Variants in FAM13B observed in about 807,000 individuals in gnomAD.
The protein encoded by FAM13B is family with sequence similarity 13 member B.
A neutral mutation model predicts 117.3 loss-of-function variants in FAM13B; 60 were observed. The observed-to-expected ratio is 0.51, with a 90% CI of 0.42 to 0.63. FAM13B has a LOEUF of 0.63. Ranked by LOEUF, FAM13B falls within the 30% of genes least tolerant of loss-of-function variation. The probability of loss-of-function intolerance (pLI) is 0.00; values close to 1 mark genes in which losing one functional copy is unlikely to be tolerated. For missense variants in FAM13B, 972 were observed against 1,091.9 expected, an observed-to-expected ratio of 0.89 and a Z score of 1.55; for synonymous variants, 332 against 356.1, an observed-to-expected ratio of 0.93 and a Z score of 0.76.
chr5:138,041,463 C>T (rs1791498528), intron 1 of FAM13B, among the ~76,000 whole-genome samples: 1 of 151,782 alleles, frequency 6.6e-6, no homozygotes, highest in Non-Finnish European at 1.5e-5. Flanking sequence ...ATAATCAGTA[C>T]AAGAAATTAA....
chr5:138,013,454 T>C (rs1330153958), intron 4 of FAM13B, among the ~76,000 whole-genome samples: 9 of 151,138 alleles, frequency 6.0e-5, no homozygotes, highest in Admixed American at 4.0e-4. Flanking sequence ...TGAGCCGAGA[T>C]TGCACCACTG....
chr5:138,001,724 GA>G (rs1195154888), intron 7 of FAM13B, among the ~76,000 whole-genome samples: 1 of 152,176 alleles, frequency 6.6e-6, no homozygotes, highest in Non-Finnish European at 1.5e-5. Flanking sequence ...GGGAGATCAA[GA>G]ATGGAGGATG....
intron 1 of FAM13B, among the ~76,000 whole-genome samples, chr5:138,047,572 C>T (rs1791679970): frequency 6.6e-6 from 1 of 151,918 alleles, no homozygotes; most frequent in South Asian, 2.1e-4. Context: ...CGGCACATAA[C>T]AAATGGGAAT....
At chr5:137,972,814 C>T (rs1451627243) in intron 10 of FAM13B, among the ~76,000 whole-genome samples, 10 of 151,926 alleles carry the variant, frequency 6.6e-5, no homozygotes, top group Non-Finnish European at 1.3e-4. Flanking sequence ...TATACACCAA[C>T]AACAGACAAA....
At chr5:138,043,204 A>G (rs188453620) in intron 1 of FAM13B, among the ~76,000 whole-genome samples, 1 of 152,186 alleles carries the variant, frequency 6.6e-6, no homozygotes, top group East Asian at 1.9e-4. Context: ...TCTCTATAAA[A>G]AATAAAATTA....
At chr5:138,048,062 GAAAGAAAGAAA>G (rs1791693138) in intron 1 of FAM13B, among the ~76,000 whole-genome samples, 2 of 151,790 alleles carry the variant, frequency 1.3e-5, no homozygotes, top group Non-Finnish European at 2.9e-5. Flanking sequence ...TTTTAAAATA[GAAAGAAAGAAA>G]AAAGAAAGAA....
At chr5:138,051,550 T>C (rs1791800720) in intron 1 of FAM13B, among the ~76,000 whole-genome samples, 1 of 152,232 alleles carries the variant, frequency 6.6e-6, no homozygotes, top group African/African-American at 2.4e-5. Context: ...TTGAGTGTTA[T>C]GCTTCCTGGC....
At chr5:138,006,149 G>A (rs998006741) in intron 7 of FAM13B, among the ~76,000 whole-genome samples, 6 of 151,912 alleles carry the variant, frequency 3.9e-5, no homozygotes, top group Non-Finnish European at 7.4e-5. Flanking sequence ...TGCCCGTCTC[G>A]GCCTCCCAAA....
At chr5:137,944,155 C>T (rs1478182068) in intron 20 of FAM13B, among the ~76,000 whole-genome samples, 2 of 152,168 alleles carry the variant, frequency 1.3e-5, no homozygotes, top group Admixed American at 1.3e-4. Flanking sequence ...TCTCATTCAG[C>T]TTGTTTCCAA....
intron 1 of FAM13B, among the ~76,000 whole-genome samples, chr5:138,048,663 C>T (rs1264892016): frequency 1.3e-5 from 2 of 152,072 alleles, no homozygotes; most frequent in Admixed American, 1.3e-4. Flanking sequence ...GCATGCTGGC[C>T]GACCCCTAGG....
chr5:137,991,956 T>C (rs1251054969), intron 7 of FAM13B, among the ~76,000 whole-genome samples: 3 of 152,254 alleles, frequency 2.0e-5, no homozygotes, highest in South Asian at 4.1e-4. Flanking sequence ...GGGTCTCACT[T>C]TGTCACCCAG....
At chr5:137,977,124 T>C (rs978082081) in intron 10 of FAM13B, among the ~76,000 whole-genome samples, 1 of 152,188 alleles carries the variant, frequency 6.6e-6, no homozygotes, top group Non-Finnish European at 1.5e-5. Flanking sequence ...GGCCATCTTC[T>C]ATGGTCAAGA....
intron 2 of FAM13B, among the ~76,000 whole-genome samples, chr5:138,020,597 T>C (rs1355397358): frequency 2.0e-5 from 3 of 152,090 alleles, no homozygotes; most frequent in Non-Finnish European, 4.4e-5. Flanking sequence ...GAAAAGAGTA[T>C]TTGTAAAAGA....
intron 6 of FAM13B, among the ~76,000 whole-genome samples, chr5:138,008,959 A>G (rs2150867192): frequency 6.6e-6 from 1 of 152,342 alleles, no homozygotes; most frequent in South Asian, 2.1e-4. Flanking sequence ...CCTGGCCAAC[A>G]TGGCAAAATC....
At chr5:138,020,210 G>C (rs535815011) in intron 2 of FAM13B, among the ~76,000 whole-genome samples, 1 of 151,780 alleles carries the variant, frequency 6.6e-6, no homozygotes, top group African/African-American at 2.4e-5. Flanking sequence ...ACAGGTGTGC[G>C]CCACCACGCC....
Position 137,942,949 on chromosome 5 carries a change from A to G in FAM13B, c.2514T>C (p.Ser838=), listed in dbSNP as rs762940406. Residue 838 remains serine, a synonymous_variant, in exon 22 of 24, where the codon TCT becomes TCC. Transcript: ENST00000689681. ...CTTGATTTTCTTCAACATCAGATTC[A>G]GAGTTTTCTAATGAAGACTGTACCT... ...AVQVQSSLEN[S]ESDVEENQEK... is the part of the protein sequence containing the mutation. The G allele has an allele frequency of 3.1e-6, 5 of 1,613,804 alleles. No homozygotes were observed. In the South Asian group the frequency reaches 5.5e-5, roughly 18 times the overall value.
At chr5:138,028,092 T>A (rs1788914108) in intron 1 of FAM13B, among the ~76,000 whole-genome samples, 1 of 152,238 alleles carries the variant, frequency 6.6e-6, no homozygotes. Flanking sequence ...AAGTTCATAC[T>A]GGCTTGGCCA....
chr5:137,975,998 G>A (rs56365642), intron 10 of FAM13B, among the ~76,000 whole-genome samples: 40 of 3,122 alleles, frequency 0.013, no homozygotes, highest in African/African-American at 0.031. Context: ...TTTTTTTTGA[G>A]ACAGTCTTGC....
At chr5:137,971,663 G>A (rs916679694) in intron 10 of FAM13B, among the ~76,000 whole-genome samples, 232 of 151,894 alleles carry the variant, frequency 1.5e-3, no homozygotes, top group Non-Finnish European at 1.5e-3. Flanking sequence ...AAAAATTAAC[G>A]AATCCAGGAG....
Sources: gnomAD v4.1 joint callset for allele counts (sites outside exome capture counted in the v4.1 genomes callset) on GRCh38, gnomAD v4.1.1 for gene constraint, MANE v1.5 for transcripts, NCBI Gene and HGNC (gene_info 2026-07-23, HGNC 2026-07-21) for gene names.